Variants in SYT2 observed in about 807,000 individuals in gnomAD.
The protein encoded by SYT2 is synaptotagmin-2.
A neutral mutation model predicts 39.9 loss-of-function variants in SYT2; 15 were observed. The ratio of observed to expected loss-of-function variants is 0.38; its 90% CI spans 0.25 to 0.58. The LOEUF (loss-of-function observed/expected upper bound fraction) is 0.58. SYT2 is among the 20% of genes least tolerant of loss of function. SYT2 has a pLI of 0.70. For missense variants in SYT2, 389 were observed against 530.3 expected, an observed-to-expected ratio of 0.73 and a Z score of 2.62; for synonymous variants, 181 against 204.5, an observed-to-expected ratio of 0.89 and a Z score of 0.98.
intron 1 of SYT2, among the ~76,000 whole-genome samples, chr1:202,687,932 T>A (rs561239396): frequency 1.3e-5 from 2 of 151,558 alleles, no homozygotes; most frequent in South Asian, 2.1e-4. Flanking sequence ...GGAAAAAAAA[T>A]GTCTTTTCAC....
chr1:202,638,870 G>C (rs1406356814), intron 1 of SYT2, among the ~76,000 whole-genome samples: 1 of 152,194 alleles, frequency 6.6e-6, no homozygotes, highest in Non-Finnish European at 1.5e-5. Flanking sequence ...AGTGGGGCTG[G>C]CTATTGTCTC....
chr1:202,681,758 G>A (rs944700964), intron 1 of SYT2, among the ~76,000 whole-genome samples: 1 of 152,096 alleles, frequency 6.6e-6, no homozygotes, highest in African/African-American at 2.4e-5. Context: ...TGCCAGTCTG[G>A]GCTAGTAGCA....
rs145488959 is a variant in SYT2 at position 202,619,897 on chromosome 1, A to C, written c.-17-14108T>G. Among the ~76,000 whole-genome samples the C allele has an allele frequency of 1.1e-3, 164 of 152,340 alleles. 2 individuals carry two copies. Among genetic ancestry groups the C allele is most frequent in the African/African-American group, 3.7e-3 (155 of 41,572 alleles). ...TCTAACCCACCTGGGAAGAGGGCAC[A>C]ATTACCAGCATCATTTCAAAGGCAA... On this transcript the variant is annotated intron_variant, in intron 1 of 8. Transcript: ENST00000367268.
chr1:202,642,319 G>A (rs1396094302), intron 1 of SYT2, among the ~76,000 whole-genome samples: 1 of 152,194 alleles, frequency 6.6e-6, no homozygotes, highest in Non-Finnish European at 1.5e-5. Context: ...CCCAGGTGCA[G>A]AGGCTCGGGC....
In SYT2 at chr1:202,623,787, G is replaced by A. The variant is rs981541904; in HGVS notation, c.-17-17998C>T. Reference sequence around the variant, plus strand: ...AGAGGCACTGCTTTCTGCAGAGTGCGTGGGCAACTGCCAGCTGGGGGAGCG... The same window carrying A: ...AGAGGCACTGCTTTCTGCAGAGTGCATGGGCAACTGCCAGCTGGGGGAGCG... On this transcript the variant is annotated intron_variant, in intron 1 of 8. Coordinates refer to ENST00000367268, the MANE Select transcript of SYT2 (RefSeq NM_177402.5). The surrounding 1 kb of genome is among the most constrained non-coding windows in gnomAD (Gnocchi z 4.2). Among the ~76,000 whole-genome samples the A allele has an allele frequency of 5.3e-5, 8 of 152,176 alleles. No individual in the cohort carries two copies. Among genetic ancestry groups the A allele is most frequent in the African/African-American group, 1.4e-4 (6 of 41,422 alleles).
intron 1 of SYT2, among the ~76,000 whole-genome samples, chr1:202,671,795 C>T (rs1692593874): frequency 6.6e-6 from 1 of 152,142 alleles, no homozygotes; most frequent in South Asian, 2.1e-4. Flanking sequence ...AAACTTAAGC[C>T]CTGAACTTGA....
chr1:202,628,067 C>T lies in SYT2; in HGVS notation c.-17-22278G>A, dbSNP rs1016355585. ...GAAGGTGGGTCTAACGGGAAGATCA[C>T]AAAGGCACCGGGCTCAGAGGTGGGT... On this transcript the variant is annotated intron_variant, in intron 1 of 8. Coordinates refer to ENST00000367268, the MANE Select transcript of SYT2 (RefSeq NM_177402.5). This position sits in a 1 kb window ranked among gnomAD's most constrained non-coding sequence, Gnocchi z 4.2. Among the ~76,000 whole-genome samples, 3 of 152,182 alleles carry T rather than the reference C, an allele frequency of 2.0e-5. No individual in the cohort carries two copies. Among genetic ancestry groups the T allele is most frequent in the African/African-American group, 7.2e-5 (3 of 41,448 alleles).
intron 1 of SYT2, among the ~76,000 whole-genome samples, chr1:202,625,126 C>G (rs56299329): frequency 0.36 from 528 of 1,472 alleles, 244 homozygotes; most frequent in East Asian, 0.54. Context: ...GTATGTGTGT[C>G]GTGTGTGTGG....
intron 1 of SYT2, among the ~76,000 whole-genome samples, chr1:202,646,789 C>A (rs1170007876): frequency 6.6e-6 from 1 of 152,144 alleles, no homozygotes; most frequent in Non-Finnish European, 1.5e-5. Flanking sequence ...TCTTACTCCA[C>A]CCTCAGCCTT....
rs371386662 is a variant in SYT2 at position 202,671,061 on chromosome 1, G to A, written c.-18+39197C>T. 2.8e-3 allele frequency among the ~76,000 whole-genome samples: 422 copies of A among 152,330 alleles called. 4 individuals carry two copies. Among genetic ancestry groups the A allele is most frequent in the African/African-American group, 9.8e-3 (406 of 41,564 alleles). ...TGATAAGCAGCCCGCCACTCCCATCGGCGATCAGCTAGCCTAATGAAGCAG... is the reference window on the plus strand; with the variant it reads ...TGATAAGCAGCCCGCCACTCCCATCAGCGATCAGCTAGCCTAATGAAGCAG... On this transcript the variant is annotated intron_variant, in intron 1 of 8. Coordinates refer to ENST00000367268, the MANE Select transcript of SYT2 (RefSeq NM_177402.5).
chr1:202,626,365 A>G (rs1691404514), intron 1 of SYT2, among the ~76,000 whole-genome samples: 2 of 145,106 alleles, frequency 1.4e-5, no homozygotes, highest in Admixed American at 1.4e-4. Flanking sequence ...TCCTTTGGAA[A>G]GTGGCTTTGC....
At chr1:202,630,034 G>A (rs543625383) in intron 1 of SYT2, among the ~76,000 whole-genome samples, 30 of 152,254 alleles carry the variant, frequency 2.0e-4, no homozygotes, top group African/African-American at 7.0e-4. Flanking sequence ...AAGAAAGCCA[G>A]GGAGATTGAG....
chr1:202,594,247 C>T lies in SYT2; in HGVS notation c.*2510G>A, dbSNP rs1204752880. The T allele has an allele frequency of 2.0e-5, 3 of 152,264 alleles. No individual in the cohort carries two copies. Among genetic ancestry groups the T allele is most frequent in the East Asian group, 3.8e-4 (2 of 5,196 alleles). 9.4% of individuals were successfully genotyped at this position (152,264 alleles called of 1,614,324 possible). ...GGGCTCAGAGTAATAAAAATCCAGC[C>T]CTGGTCACCAGGCACATAGACACCC... is the stretch of plus-strand genomic sequence containing the variant. On this transcript the variant is annotated 3_prime_UTR_variant, in exon 9 of 9. Transcript: ENST00000367268.
intron 1 of SYT2, among the ~76,000 whole-genome samples, chr1:202,699,465 G>T (rs1018871857): frequency 6.6e-6 from 1 of 152,194 alleles, no homozygotes; most frequent in African/African-American, 2.4e-5. Context: ...GCAGGGTGTG[G>T]CACTGGGACA....
At chr1:202,692,499 C>T (rs944044048) in intron 1 of SYT2, among the ~76,000 whole-genome samples, 7 of 152,226 alleles carry the variant, frequency 4.6e-5, no homozygotes, top group Non-Finnish European at 1.0e-4. Flanking sequence ...GAGGTCATGG[C>T]TTTCTATCAC....
intron 1 of SYT2, among the ~76,000 whole-genome samples, chr1:202,709,722 G>C (rs984381754): frequency 6.6e-6 from 1 of 152,144 alleles, no homozygotes; most frequent in East Asian, 1.9e-4. Context: ...CCTGCAGTCT[G>C]TCTCCCCAAC....
intron 1 of SYT2, among the ~76,000 whole-genome samples, chr1:202,693,324 C>T (rs947982092): frequency 1.3e-5 from 2 of 152,120 alleles, no homozygotes. Flanking sequence ...GATAAATAGG[C>T]AGACCATATT....
intron 5 of SYT2, 58 bp downstream of exon 5, chr1:202,602,320 C>A: frequency 6.5e-7 from 1 of 1,548,170 alleles, no homozygotes; most frequent in Non-Finnish European, 8.8e-7. Flanking sequence ...GTCTGTAGAA[C>A]TCAGCAGAGA....
chr1:202,620,114 T>C (rs1322262181), intron 1 of SYT2, among the ~76,000 whole-genome samples: 2 of 151,988 alleles, frequency 1.3e-5, no homozygotes, highest in Non-Finnish European at 1.5e-5. Flanking sequence ...GAAGCAGGGG[T>C]AGACCAGAAA....
Sources: gnomAD v4.1 joint callset for allele counts (sites outside exome capture counted in the v4.1 genomes callset) on GRCh38, gnomAD v4.1.1 for gene constraint, Gnocchi (gnomAD v3.1) non-coding constraint, MANE v1.5 for transcripts, NCBI Gene and HGNC (gene_info 2026-07-23, HGNC 2026-07-21) for gene names.